CXCL13: variants seen among roughly 807,000 people sequenced by gnomAD.
CXCL13 encodes C-X-C motif chemokine 13.
A neutral mutation model predicts 12.2 loss-of-function variants in CXCL13; 7 were observed. The observed-to-expected ratio is 0.57, with a 90% CI of 0.33 to 1.07. CXCL13 has a LOEUF of 1.07. Among genes scored for constraint, CXCL13 ranks in the 50% least tolerant of loss-of-function variants. The pLI, the probability that CXCL13 is intolerant of heterozygous loss-of-function variation, is 0.04. For missense variants in CXCL13, 113 were observed against 127.4 expected, an observed-to-expected ratio of 0.89 and a Z score of 0.55; for synonymous variants, 47 against 42.4, an observed-to-expected ratio of 1.11 and a Z score of -0.42.
chr4:77,556,123 C>T (rs1725651255), intron 1 of CXCL13, among the ~76,000 whole-genome samples: 1 of 152,258 alleles, frequency 6.6e-6, no homozygotes, highest in African/African-American at 2.4e-5. Context: ...GAAATAAAAA[C>T]ATACATCCAT....
At chr4:77,572,056 C>G (rs866616496) in intron 1 of CXCL13, among the ~76,000 whole-genome samples, 1 of 151,734 alleles carries the variant, frequency 6.6e-6, no homozygotes, top group Non-Finnish European at 1.5e-5. Context: ...AGACTCCAGA[C>G]GCGCCACATT....
rs573761755 is a variant in CXCL13, at chr4:77,535,513, G to A, written c.-43+23725G>A. Among the ~76,000 whole-genome samples the A allele has an allele frequency of 2.9e-4, 44 of 152,274 alleles. No individual in the cohort carries two copies. In the South Asian group the frequency reaches 3.1e-3, roughly 11 times the overall value. On this transcript the variant is annotated intron_variant, in intron 1 of 4. Coordinates refer to the CXCL13 transcript ENST00000286758. ...CTTACCATGAAGTGATGGAGACTAT[G>A]TTTCCTCCCCTTGAATCTGAGCAGA...
chr4:77,575,594 G>A (rs138327436), intron 1 of CXCL13, among the ~76,000 whole-genome samples: 1 of 151,960 alleles, frequency 6.6e-6, no homozygotes, highest in East Asian at 1.9e-4. Context: ...ATGGTTTCCT[G>A]CTTCATCCAT....
Position 77,610,658 on chromosome 4 carries a change from C to A in CXCL13, c.242C>A (p.Ala81Asp), listed in dbSNP as rs115525661. 6.2e-7 allele frequency: 1 copy of A among 1,613,404 alleles called. No homozygotes were observed. Among genetic ancestry groups the A allele is most frequent in the Non-Finnish European group, 8.5e-7 (1 of 1,179,346 alleles). The change falls in exon 3 of 4, where the codon GCT becomes GAT. Residue 81 changes from alanine to aspartate, a missense_variant. By Grantham distance (126) the Ala-to-Asp change is moderately radical. Coordinates refer to ENST00000682537, the MANE Select transcript of CXCL13 (RefSeq NM_001371558.1). Reference protein sequence around the residue: ...NKSIVCVDPQAEWIQRMMEVL... With the variant: ...NKSIVCVDPQDEWIQRMMEVL... ...TCAATTGTGTGTGTGGACCCTCAAGCTGAATGGATACAAAGAATGATGGAA... is the reference window on the plus strand; with the variant it reads ...TCAATTGTGTGTGTGGACCCTCAAGATGAATGGATACAAAGAATGATGGAA...
chr4:77,607,199 T>C (rs900587528), intron 1 of CXCL13, among the ~76,000 whole-genome samples: 3 of 152,250 alleles, frequency 2.0e-5, no homozygotes, highest in East Asian at 3.8e-4. Context: ...TGGTTTTATA[T>C]TGCATTAATT....
chr4:77,601,040 A>C (rs1726869451), upstream of CXCL13, among the ~76,000 whole-genome samples: 1 of 152,156 alleles, frequency 6.6e-6, no homozygotes, highest in Admixed American at 6.5e-5. Flanking sequence ...TCCTTCCCGC[A>C]AACTGTTTCT....
intron 1 of CXCL13, among the ~76,000 whole-genome samples, chr4:77,568,923 G>A (rs749548302): frequency 6.6e-6 from 1 of 152,080 alleles, no homozygotes; most frequent in Middle Eastern, 3.2e-3. Flanking sequence ...CTTTGCTATA[G>A]GAGGTGAAAA....
chr4:77,534,742 C>T (rs1227573525), intron 1 of CXCL13, among the ~76,000 whole-genome samples: 2 of 152,174 alleles, frequency 1.3e-5, no homozygotes, highest in Non-Finnish European at 2.9e-5. Context: ...TCAGGTGTGC[C>T]ACTTAATCTC....
chr4:77,562,265 G>A (rs1033554322), intron 1 of CXCL13, among the ~76,000 whole-genome samples: 9 of 148,266 alleles, frequency 6.1e-5, no homozygotes, highest in East Asian at 2.0e-4. Flanking sequence ...CCTCCCTGAC[G>A]GGCAACGCCC....
chr4:77,535,532 G>C (rs1323221610), intron 1 of CXCL13, among the ~76,000 whole-genome samples: 8 of 152,148 alleles, frequency 5.3e-5, no homozygotes, highest in Non-Finnish European at 1.0e-4. Context: ...CCTTGAATCT[G>C]AGCAGAGCTA....
intron 1 of CXCL13, among the ~76,000 whole-genome samples, chr4:77,525,413 T>C (rs1457467776): frequency 1.3e-5 from 2 of 152,214 alleles, no homozygotes; most frequent in South Asian, 2.1e-4. Context: ...TCTTTCTTTT[T>C]TCCTTTTCTC....
At chr4:77,583,077 A>T (rs1016078712) in intron 1 of CXCL13, among the ~76,000 whole-genome samples, 1 of 152,152 alleles carries the variant, frequency 6.6e-6, no homozygotes, top group Non-Finnish European at 1.5e-5. Context: ...GACAAACTGA[A>T]TAATCTAACT....
At chr4:77,570,919 T>C (rs945739179) in intron 1 of CXCL13, among the ~76,000 whole-genome samples, 10 of 152,012 alleles carry the variant, frequency 6.6e-5, no homozygotes, top group Non-Finnish European at 7.3e-5. Context: ...GCCTCGGGAC[T>C]GCAGCCCGCC....
chr4:77,610,566 A>T lies in CXCL13; in HGVS notation c.198-48A>T, dbSNP rs1459454524. ...CTCTTTTCTTTATTAAAAGTATAGG[A>T]TTGACTAAAATGTAAGACTGAATTA... On this transcript the variant is annotated intron_variant, in intron 2 of 3. Coordinates refer to ENST00000682537, the MANE Select transcript of CXCL13 (RefSeq NM_001371558.1). The T allele has an allele frequency of 6.6e-6, 9 of 1,356,134 alleles. No homozygotes were observed. The Admixed American group carries it at 1.3e-4, about 20-fold the overall frequency. The allele number at this position is 1,356,134 out of a possible 1,614,324, so 84.0% of individuals were successfully genotyped here.
rs144776099 is a variant in CXCL13, at chr4:77,596,107, A to G, written c.-42-9717A>G. The stretch of plus-strand genomic sequence containing the variant: ...CCCTTTTCATATTACTGAGGCAGAT[A>G]GAAGGCAGTATAACAAGAAATACAA... On this transcript the variant is annotated intron_variant, in intron 1 of 4. Coordinates refer to the CXCL13 transcript ENST00000286758. Among the ~76,000 whole-genome samples the G allele has an allele frequency of 9.3e-4, 141 of 152,356 alleles. 3 individuals carry two copies. Among genetic ancestry groups the G allele is most frequent in the African/African-American group, 3.3e-3 (138 of 41,584 alleles).
chr4:77,525,283 A>G (rs1280819557), intron 1 of CXCL13, among the ~76,000 whole-genome samples: 1 of 152,154 alleles, frequency 6.6e-6, no homozygotes, highest in Non-Finnish European at 1.5e-5. Context: ...CAAAGTGTTT[A>G]TTTTCTTCAA....
intron 1 of CXCL13, among the ~76,000 whole-genome samples, chr4:77,524,277 G>A (rs1724704439): frequency 1.3e-5 from 2 of 152,196 alleles, no homozygotes; most frequent in South Asian, 4.1e-4. Context: ...AGGCAGACCA[G>A]GATGTTTAAG....
At chr4:77,546,357 G>A (rs1725362956) in intron 1 of CXCL13, among the ~76,000 whole-genome samples, 1 of 152,102 alleles carries the variant, frequency 6.6e-6, no homozygotes. Context: ...GGTAGAATTC[G>A]GCTGTGAATC....
intron 1 of CXCL13, among the ~76,000 whole-genome samples, chr4:77,521,741 G>A (rs2110080381): frequency 6.6e-6 from 1 of 151,508 alleles, no homozygotes; most frequent in East Asian, 1.9e-4. Context: ...GTTATTTCTT[G>A]CCTTCTGCTA....
Sources: allele counts gnomAD v4.1 joint callset (sites outside exome capture counted in the v4.1 genomes callset), GRCh38; gene constraint gnomAD v4.1.1; transcripts MANE v1.5; gene names NCBI Gene and HGNC (gene_info 2026-07-23, HGNC 2026-07-21).